Variants in FNTB observed in about 807,000 individuals in gnomAD.
FNTB encodes the protein farnesyltransferase, CAAX box, subunit beta.
A neutral mutation model predicts 59.4 loss-of-function variants in FNTB; 27 were observed. The observed-to-expected ratio is 0.45, with a 90% CI of 0.34 to 0.63. The LOEUF is 0.63. Ranked by LOEUF, FNTB falls within the 20% of genes least tolerant of loss-of-function variation. FNTB has a pLI of 0.02. For synonymous variants in FNTB, 230 were observed against 220.7 expected, an observed-to-expected ratio of 1.04 and a Z score of -0.37; for missense variants, 449 against 559.6, an observed-to-expected ratio of 0.80 and a Z score of 1.99.
chr14:65,044,556 G>C lies in FNTB; in HGVS notation c.955+113G>C. On this transcript the variant is annotated intron_variant, in intron 9 of 11. Transcript: ENST00000246166. The surrounding 1 kb of genome is among the most constrained non-coding windows in gnomAD (Gnocchi z 5.5). ...GGTTGAAATGAGCTCTGTCTATCCT[G>C]GATTTTGAGTGCCCAGTGTGGAACC... 1 of 1,461,772 alleles carries C rather than the reference G, an allele frequency of 6.8e-7. No individual in the cohort carries two copies. Among genetic ancestry groups the C allele is most frequent in the East Asian group, 2.5e-5 (1 of 40,250 alleles). The allele number at this position is 1,461,772 out of a possible 1,614,324, so 90.6% of individuals were successfully genotyped here.
intron 11 of FNTB, among the ~76,000 whole-genome samples, chr14:65,056,405 GA>G (rs1440497950): frequency 6.6e-6 from 1 of 152,194 alleles, no homozygotes; most frequent in African/African-American, 2.4e-5. Flanking sequence ...TCCAGGAGGG[GA>G]CCTGCTGGGT....
intron 7 of FNTB, among the ~76,000 whole-genome samples, chr14:65,039,473 T>C (rs112991089): frequency 6.6e-6 from 1 of 152,358 alleles, no homozygotes; most frequent in East Asian, 1.9e-4. Context: ...CTGATTCTTA[T>C]ATAAGTTTGC....
At chr14:65,053,421 C>T in intron 10 of FNTB, 72 bp downstream of exon 10, 3 of 1,227,052 alleles carry the variant, frequency 2.4e-6, no homozygotes, top group Non-Finnish European at 3.1e-6. Context: ...CTCAGGCCTA[C>T]TCAGAGCCAG....
Position 65,044,463 on chromosome 14 carries a change from C to A in FNTB, c.955+20C>A, listed in dbSNP as rs765475648. ...CCCAAGGTGAGCCTGGGGAGCTGTT[C>A]ACTTGGGGCTGGATGATTTCCCTCC... On this transcript the variant is annotated intron_variant, in intron 9 of 11. Coordinates refer to ENST00000246166, the MANE Select transcript of FNTB (RefSeq NM_002028.4). This position sits in a 1 kb window ranked among gnomAD's most constrained non-coding sequence, Gnocchi z 5.5. 6 of 1,588,758 alleles carry A rather than the reference C, an allele frequency of 3.8e-6. No individual in the cohort carries two copies. In the Admixed American group the frequency reaches 1.1e-4, roughly 30 times the overall value.
At chr14:64,989,291 AAAAGT>A in intron 1 of FNTB, among the ~76,000 whole-genome samples, 1 of 150,878 alleles carries the variant, frequency 6.6e-6, no homozygotes. Context: ...AAAAAAAAAA[AAAAGT>A]AGCTGAGCGT....
intron 4 of FNTB, among the ~76,000 whole-genome samples, chr14:65,024,932 T>G (rs2061953004): frequency 6.6e-6 from 1 of 152,174 alleles, no homozygotes; most frequent in African/African-American, 2.4e-5. Flanking sequence ...TTTTTTTGTT[T>G]GTTTGTTTTT....
rs1263587301 is a variant in FNTB, at chr14:64,987,106, G to GCAGGACTGGGCGAGGCGC, written c.144+11_144+28dup. ...TCACGTCCATAGAACAGGTGAGGTG[G>GCAGGACTGGGCGAGGCGC]CAGGACTGGGCGAGGCGCCCGCGCG... On this transcript the variant is annotated intron_variant, in intron 1 of 11. Transcript: ENST00000246166. 18 of 1,613,920 alleles carry GCAGGACTGGGCGAGGCGC rather than the reference G, an allele frequency of 1.1e-5. No individual in the cohort carries two copies. The highest frequency in any genetic ancestry group is 4.0e-5 in the African/African-American group (3 of 74,944).
intron 7 of FNTB, 132 bp from the exon 8 acceptor site, chr14:65,040,658 T>A: frequency 2.4e-6 from 2 of 842,210 alleles, no homozygotes; most frequent in Non-Finnish European, 3.2e-6. Context: ...TTAGTTGGCA[T>A]CTTTTCATTC....
At chr14:65,002,460 T>G (rs2061534068) in intron 1 of FNTB, among the ~76,000 whole-genome samples, 1 of 151,990 alleles carries the variant, frequency 6.6e-6, no homozygotes, top group Non-Finnish European at 1.5e-5. Context: ...ACTACAAAAA[T>G]TAGCTGGGCG....
rs745457835 is a variant in FNTB, at chr14:65,012,460, G to A, written c.282+71G>A. ...ATCCTCCTCCTTTTTCTATTTAAAC[G>A]TAAAAGACTGTTGGGGCTGACCTGT... On this transcript the variant is annotated intron_variant, in intron 3 of 11. Coordinates refer to ENST00000246166, the MANE Select transcript of FNTB (RefSeq NM_002028.4). This position sits in a 1 kb window ranked among gnomAD's most constrained non-coding sequence, Gnocchi z 5.0. 35 of 1,587,748 alleles carry A rather than the reference G, an allele frequency of 2.2e-5. 1 individual carries two copies. The highest frequency in any genetic ancestry group is 1.5e-4 in the South Asian group (13 of 89,394).
At chr14:65,020,470 G>T (rs2061864598) in intron 4 of FNTB, among the ~76,000 whole-genome samples, 1 of 151,966 alleles carries the variant, frequency 6.6e-6, no homozygotes, top group African/African-American at 2.4e-5. Context: ...CTGTTGCCCA[G>T]ACTGGAGTGC....
rs1595055847 is a variant in FNTB, at chr14:65,029,262, T to G, written c.605+1481T>G. ...CTTTGCCTGGTTTCTAGTACCCCGA[T>G]TCCATCATTTTTCACTTGGCATTTC... On this transcript the variant is annotated intron_variant, in intron 6 of 11. Coordinates refer to ENST00000246166, the MANE Select transcript of FNTB (RefSeq NM_002028.4). The surrounding 1 kb of genome is among the most constrained non-coding windows in gnomAD (Gnocchi z 4.7). 6.6e-6 allele frequency among the ~76,000 whole-genome samples: 1 copy of G among 152,334 alleles called. No homozygotes were observed. Among genetic ancestry groups the G allele is most frequent in the East Asian group, 1.9e-4 (1 of 5,186 alleles).
rs1187729984 is a variant in FNTB, at chr14:65,022,282, C to CT, written c.375-5170dup. Among the ~76,000 whole-genome samples the CT allele has an allele frequency of 2.0e-3, 278 of 136,442 alleles. 10 individuals are homozygous for CT. The South Asian group carries it at 0.045, about 22-fold the overall frequency. The allele number at this position is 136,442 out of a possible 152,430, so 89.5% of individuals were successfully genotyped here. ...ATTTCCAAAGCTGTAATCTTTTTTT[C>CT]TGTTTTTTTTTTTTTAAACCTGCCC... On this transcript the variant is annotated intron_variant, in intron 4 of 11. Coordinates refer to ENST00000246166, the MANE Select transcript of FNTB (RefSeq NM_002028.4).
rs1555335876 is a variant in FNTB, at chr14:65,037,403, C to CTTTT, written c.693-3347_693-3344dup. 1.5e-3 allele frequency among the ~76,000 whole-genome samples: 46 copies of CTTTT among 29,678 alleles called. 7 individuals are homozygous for CTTTT. The highest frequency in any genetic ancestry group is 2.5e-3 in the Non-Finnish European group (34 of 13,694). The allele number at this position is 29,678 out of a possible 152,430, so 19.5% of individuals were successfully genotyped here. ...TAGGCGTGAGCCACCACGCCGGGCCCTTTTTTTTTTTTTTTTTTTTTTTTT... is the reference window on the plus strand; with the variant it reads ...TAGGCGTGAGCCACCACGCCGGGCCCTTTTTTTTTTTTTTTTTTTTTTTTTTTTT... On this transcript the variant is annotated intron_variant, in intron 7 of 11. Coordinates refer to ENST00000246166, the MANE Select transcript of FNTB (RefSeq NM_002028.4).
intron 2 of FNTB, chr14:65,006,050 C>T: frequency 1.5e-6 from 2 of 1,331,958 alleles, no homozygotes; most frequent in East Asian, 2.3e-5. Flanking sequence ...TGTCTCTTGA[C>T]TTCTTGAGAT....
chr14:65,009,755 A>C lies in FNTB; in HGVS notation c.210-2562A>C, dbSNP rs555400935. 6.6e-6 allele frequency among the ~76,000 whole-genome samples: 1 copy of C among 151,992 alleles called. No individual in the cohort carries two copies. The highest frequency in any genetic ancestry group is 6.5e-5 in the Admixed American group (1 of 15,268). On this transcript the variant is annotated intron_variant, in intron 2 of 11. Coordinates refer to ENST00000246166, the MANE Select transcript of FNTB (RefSeq NM_002028.4). This position sits in a 1 kb window ranked among gnomAD's most constrained non-coding sequence, Gnocchi z 4.2. ...TCAAATGTGTCATGGTGTTTTCTTCATTTTGCCTGCTTAACTCATGTCTTT... is the reference window on the plus strand; with the variant it reads ...TCAAATGTGTCATGGTGTTTTCTTCCTTTTGCCTGCTTAACTCATGTCTTT...
chr14:65,054,791 G>A lies in FNTB; in HGVS notation c.1182+102G>A. On this transcript the variant is annotated intron_variant, in intron 11 of 11. Coordinates refer to ENST00000246166, the MANE Select transcript of FNTB (RefSeq NM_002028.4). The surrounding 1 kb of genome is among the most constrained non-coding windows in gnomAD (Gnocchi z 4.4). ...TGGCTCTGCATTTCCTGTGTGGACA[G>A]GCGGAAGCTTGTGGTCCCTCTGCCC... The A allele has an allele frequency of 7.6e-7, 1 of 1,307,872 alleles. No homozygotes were observed. Among genetic ancestry groups the A allele is most frequent in the Non-Finnish European group, 1.1e-6 (1 of 944,922 alleles). 81.0% of individuals were successfully genotyped at this position (1,307,872 alleles called of 1,614,324 possible).
chr14:65,035,339 C>G (rs1300518481), intron 7 of FNTB, among the ~76,000 whole-genome samples: 2 of 152,182 alleles, frequency 1.3e-5, no homozygotes, highest in African/African-American at 2.4e-5. Context: ...CAAAATCTGC[C>G]TGCCCTTTTT....
At position 65,007,456 on chromosome 14, in the gene FNTB, A is replaced by G. The variant is rs144964332; in HGVS notation, c.209+3143A>G. Among the ~76,000 whole-genome samples the G allele has an allele frequency of 5.9e-4, 90 of 152,334 alleles. No individual in the cohort carries two copies. Among genetic ancestry groups the G allele is most frequent in the Middle Eastern group, 3.4e-3 (1 of 294 alleles). On this transcript the variant is annotated intron_variant, in intron 2 of 11. Coordinates refer to ENST00000246166, the MANE Select transcript of FNTB (RefSeq NM_002028.4). The surrounding 1 kb of genome is among the most constrained non-coding windows in gnomAD (Gnocchi z 4.9). ...ACGCACAGGTCCAGGGATGCCTGTGATGATGCTGAAGTAGGCATTTGCCTA... is the reference window on the plus strand; with the variant it reads ...ACGCACAGGTCCAGGGATGCCTGTGGTGATGCTGAAGTAGGCATTTGCCTA...
Sources: allele counts gnomAD v4.1 joint callset (sites outside exome capture counted in the v4.1 genomes callset), GRCh38; gene constraint gnomAD v4.1.1; non-coding constraint Gnocchi (gnomAD v3.1); transcripts MANE v1.5; gene names NCBI Gene and HGNC (gene_info 2026-07-23, HGNC 2026-07-21).